Variants in CHD1 observed in about 807,000 individuals in gnomAD.
CHD1 encodes the protein ATP-dependent chromatin remodeler CHD1.
Under a neutral mutation model 224.2 loss-of-function variants are expected in CHD1, and 36 were observed. The observed-to-expected ratio is 0.16, with a 90% CI of 0.12 to 0.21. The LOEUF (loss-of-function observed/expected upper bound fraction) is 0.21, where lower values mean the gene tolerates loss of function less well. Among genes scored for constraint, CHD1 ranks in the 10% least tolerant of loss-of-function variants. The pLI, the probability that CHD1 is intolerant of heterozygous loss-of-function variation, is 1.00. For synonymous variants in CHD1, 668 were observed against 658.3 expected, an observed-to-expected ratio of 1.01 and a Z score of -0.23; for missense variants, 1,378 against 1,994.8, an observed-to-expected ratio of 0.69 and a Z score of 5.89.
Position 98,863,441 on chromosome 5 carries a change from T to A in CHD1, c.4394A>T (p.Tyr1465Phe). Residue 1465 changes from tyrosine to phenylalanine, a missense_variant, in exon 32 of 36, where the codon TAT becomes TTT. This residue lies in a region of CHD1 where 278 missense variants were observed against 298.5 expected (regional missense o/e 0.93). Coordinates refer to ENST00000614616, the MANE Select transcript of CHD1 (RefSeq NM_001270.4). ...TTGCTTAATTTGTTCAGGATTTGTATACTCTTTTAGACATTCTGTGATATG... is the reference window on the plus strand; with the variant it reads ...TTGCTTAATTTGTTCAGGATTTGTAAACTCTTTTAGACATTCTGTGATATG... ...GDHITECLKE[Y>F]TNPEQIKQWR... 6.3e-7 allele frequency: 1 copy of A among 1,586,260 alleles called. No individual in the cohort carries two copies. Among genetic ancestry groups the A allele is most frequent in the South Asian group, 1.2e-5 (1 of 85,804 alleles).
chr5:98,906,567 T>G (rs1268508913), intron 2 of CHD1, among the ~76,000 whole-genome samples: 1 of 152,194 alleles, frequency 6.6e-6, no homozygotes, highest in East Asian at 1.9e-4. Context: ...GATGAAGTCT[T>G]TATCATCAAA....
Position 98,892,569 on chromosome 5 carries a change from C to T in CHD1, c.2136G>A (p.Gln712=). Residue 712 remains glutamine, a synonymous_variant, in exon 15 of 36, where the codon CAG becomes CAA. Transcript: ENST00000614616. ...VEKSLPAKVE[Q]ILRMEMSALQ... ...AAGCACTCATTTCCATTCTTAAAAT[C>T]TGCTCAACCTTGGCAGGAAGAGATT... is the stretch of plus-strand genomic sequence containing the variant. The T allele has an allele frequency of 6.2e-7, 1 of 1,613,894 alleles. No homozygotes were observed. The highest frequency in any genetic ancestry group is 8.5e-7 in the Non-Finnish European group (1 of 1,179,866).
intron 7 of CHD1, 61 bp downstream of exon 7, chr5:98,900,750 C>T (rs945276912): frequency 2.8e-6 from 4 of 1,449,728 alleles, no homozygotes; most frequent in African/African-American, 1.4e-5. Flanking sequence ...CTGTGCCCAG[C>T]CCTCTACTCC....
intron 13 of CHD1, 44 bp from the exon 14 acceptor site, chr5:98,893,650 T>C (rs1561519525): frequency 1.6e-6 from 2 of 1,269,114 alleles, no homozygotes; most frequent in East Asian, 2.5e-5. Flanking sequence ...AAAACGGAAT[T>C]CAAATTTAGC....
intron 31 of CHD1, among the ~76,000 whole-genome samples, chr5:98,866,511 T>C (rs904836203): frequency 6.6e-6 from 1 of 152,066 alleles, no homozygotes; most frequent in Admixed American, 6.5e-5. Context: ...TAGAAGGACA[T>C]AATGGGTTGA....
At chr5:98,875,234 C>A in intron 24 of CHD1, 121 bp from the exon 25 acceptor site, 1 of 571,800 alleles carries the variant, frequency 1.7e-6, no homozygotes. Context: ...GCACTGTTAT[C>A]TAAGAAGAAT....
chr5:98,882,422 G>GA (rs982306833), intron 19 of CHD1, among the ~76,000 whole-genome samples: 1 of 147,194 alleles, frequency 6.8e-6, no homozygotes, highest in African/African-American at 2.5e-5. Flanking sequence ...GGAAAATGGG[G>GA]GGGGGGCATG....
At chr5:98,865,457 G>A (rs761850111) in intron 31 of CHD1, among the ~76,000 whole-genome samples, 5 of 152,204 alleles carry the variant, frequency 3.3e-5, no homozygotes, top group Admixed American at 6.5e-5. Flanking sequence ...TGAGGTATGA[G>A]TAGGATGGAA....
chr5:98,916,476 C>T (rs1270046725), intron 2 of CHD1, among the ~76,000 whole-genome samples: 1 of 130,412 alleles, frequency 7.7e-6, no homozygotes, highest in East Asian at 2.2e-4. Context: ...ACCCGGGAGG[C>T]AGAGGTTGTG....
intron 35 of CHD1, among the ~76,000 whole-genome samples, chr5:98,856,971 T>C (rs554364494): frequency 1.4e-4 from 21 of 152,288 alleles, no homozygotes; most frequent in African/African-American, 5.0e-4. Flanking sequence ...TAATTTCACA[T>C]GGCTATTTTA....
chr5:98,872,357 C>A, intron 27 of CHD1, 60 bp downstream of exon 27: 1 of 1,523,568 alleles, frequency 6.6e-7, no homozygotes. Flanking sequence ...AAATTCAGCA[C>A]ATTCATTTTG....
At chr5:98,872,805 T>C (rs1486838719) in intron 26 of CHD1, among the ~76,000 whole-genome samples, 1 of 152,178 alleles carries the variant, frequency 6.6e-6, no homozygotes, top group African/African-American at 2.4e-5. Flanking sequence ...AATCTACTAA[T>C]ACCGTCAGCC....
rs1703521923 is a variant in CHD1, at chr5:98,894,625, G to A, written c.1772C>T (p.Thr591Ile). 7.0e-7 allele frequency: 1 copy of A among 1,419,132 alleles called. No homozygotes were observed. 87.9% of individuals were successfully genotyped at this position (1,419,132 alleles called of 1,614,324 possible). ...TKRLKFNILL[T>I]TYEILLKDKA... ...ATCTTTTAATAAAATTTCATAAGTTGTTAACAATATATTAAATTTTAACCG... is the reference window on the plus strand; with the variant it reads ...ATCTTTTAATAAAATTTCATAAGTTATTAACAATATATTAAATTTTAACCG... The change falls in exon 13 of 36, where the codon ACA (threonine) becomes ATA (isoleucine). Residue 591 changes from threonine (T) to isoleucine (I), a missense_variant. Thr to Ile is a moderately conservative substitution (Grantham distance 89). Around this residue, in one of 16 missense-constraint regions of CHD1, gnomAD observed 49 missense variants for 135.7 expected, o/e 0.36. Transcript: ENST00000614616.
At chr5:98,926,841 G>A (rs1442538679) in intron 1 of CHD1, among the ~76,000 whole-genome samples, 1 of 143,174 alleles carries the variant, frequency 7.0e-6, no homozygotes, top group Non-Finnish European at 1.5e-5. Flanking sequence ...AAAGCAAGGT[G>A]ATACGATGTA....
In CHD1 at chr5:98,926,500, A is replaced by G. The variant is rs1753465466; in HGVS notation, c.-114T>C. On this transcript the variant is annotated 5_prime_UTR_variant, in exon 2 of 36. Transcript: ENST00000614616. ...AATTCACAGATGAATTTTCTTCAAC[A>G]GTCACAGGTTTTCTGGGACTCTCCT... 1 of 498,376 alleles carries G rather than the reference A, an allele frequency of 2.0e-6. No individual in the cohort carries two copies. Among genetic ancestry groups the G allele is most frequent in the Non-Finnish European group, 3.4e-6 (1 of 296,224 alleles). 30.9% of individuals were successfully genotyped at this position (498,376 alleles called of 1,614,324 possible).
intron 25 of CHD1, among the ~76,000 whole-genome samples, chr5:98,874,625 T>C (rs188502396): frequency 1.4e-5 from 2 of 146,532 alleles, no homozygotes; most frequent in Non-Finnish European, 3.0e-5. Context: ...AGCAGGAGGA[T>C]CACATGAACC....
At chr5:98,917,706 T>C (rs1752827462) in intron 2 of CHD1, among the ~76,000 whole-genome samples, 1 of 152,234 alleles carries the variant, frequency 6.6e-6, no homozygotes, top group Non-Finnish European at 1.5e-5. Flanking sequence ...TCAGTACTGT[T>C]TGAATAGAAC....
At chr5:98,917,312 C>A (rs373923051) in intron 2 of CHD1, among the ~76,000 whole-genome samples, 3,451 of 64,106 alleles carry the variant, frequency 0.054, 24 homozygotes, top group Middle Eastern at 0.11. Flanking sequence ...AAAAAAAAAA[C>A]AACCTCTTAA....
In CHD1 at chr5:98,896,208, T is replaced by C. The variant is rs544711947; in HGVS notation, c.1710+18A>G. On this transcript the variant is annotated intron_variant, in intron 12 of 35. Coordinates refer to ENST00000614616, the MANE Select transcript of CHD1 (RefSeq NM_001270.4). ...ACAAGTACATTTTGATTTCTACATTTACAGGGAAACAACTTACCATGTTTC... is the reference window on the plus strand; with the variant it reads ...ACAAGTACATTTTGATTTCTACATTCACAGGGAAACAACTTACCATGTTTC... The C allele has an allele frequency of 6.3e-7, 1 of 1,583,174 alleles. No individual in the cohort carries two copies. Among genetic ancestry groups the C allele is most frequent in the East Asian group, 2.2e-5 (1 of 44,704 alleles).
Sources: gnomAD v4.1 joint callset for allele counts (sites outside exome capture counted in the v4.1 genomes callset) on GRCh38, gnomAD v4.1.1 for gene constraint, gnomAD v4.1.1 regional missense constraint, MANE v1.5 for transcripts, NCBI Gene and HGNC (gene_info 2026-07-23, HGNC 2026-07-21) for gene names.